The following MS4A7 variants were observed in gnomAD, a reference collection of about 807,000 sequenced individuals.
MS4A7 encodes the protein membrane-spanning 4-domains subfamily A member 7.
In MS4A7, 21 loss-of-function variants were observed where a neutral mutation model predicts 23.5. The ratio of observed to expected loss-of-function variants is 0.89; its 90% CI spans 0.63 to 1.29. MS4A7 has a LOEUF of 1.29. Among genes scored for constraint, MS4A7 ranks in the 50% most tolerant of loss-of-function variants. The pLI is 0.00. For missense variants in MS4A7, 263 were observed against 274.2 expected (o/e 0.96, Z 0.29); for synonymous variants, 111 against 107.4 (o/e 1.03, Z -0.21).
chr11:60,388,759 A>G (rs2085517273), intron 4 of MS4A7, among the ~76,000 whole-genome samples: 1 of 152,232 alleles, frequency 6.6e-6, no homozygotes, highest in African/African-American at 2.4e-5. Flanking sequence ...TGGAGAGAGA[A>G]GCACAGGGTC....
chr11:60,389,147 C>G, intron 4 of MS4A7: 1 of 488,200 alleles, frequency 2.0e-6, no homozygotes. Flanking sequence ...GGCCAGAACC[C>G]CTCTCCCTAA....
intron 1 of MS4A7, among the ~76,000 whole-genome samples, chr11:60,381,482 G>T (rs1438091779): frequency 6.6e-6 from 1 of 152,174 alleles, no homozygotes; most frequent in Non-Finnish European, 1.5e-5. Context: ...TGGAACACCT[G>T]ATAAAACTCA....
At chr11:60,383,441 C>A (rs1337122301) in intron 2 of MS4A7, 153 bp downstream of exon 2, 32 of 723,044 alleles carry the variant, frequency 4.4e-5, no homozygotes, top group Non-Finnish European at 6.2e-5. Flanking sequence ...AGGGAAGACT[C>A]TTAAAGCTCT....
In MS4A7 at chr11:60,392,790, A is replaced by G. The variant is rs2085567935; in HGVS notation, c.648+4A>G. Reference sequence around the variant, plus strand: ...GCTCTACTCCAACAACCCTGGGGTGAGTATGCTGACATGTCGCCTGATACC... The same window carrying G: ...GCTCTACTCCAACAACCCTGGGGTGGGTATGCTGACATGTCGCCTGATACC... On this transcript the variant is annotated splice_donor_region_variant and intron_variant, in intron 6 of 6. Coordinates refer to ENST00000300184, the MANE Select transcript of MS4A7 (RefSeq NM_021201.5). 6.2e-7 allele frequency: 1 copy of G among 1,603,372 alleles called. No individual in the cohort carries two copies. The highest frequency in any genetic ancestry group is 8.5e-7 in the Non-Finnish European group (1 of 1,170,386).
chr11:60,386,778 G>T lies in MS4A7; in HGVS notation c.339+5G>T, dbSNP rs945963218. ...AAACAATCAACTAAGCCCTTTGTAAGTATAAGGACCATCAAATCTCAGCTG... is the reference window on the plus strand; with the variant it reads ...AAACAATCAACTAAGCCCTTTGTAATTATAAGGACCATCAAATCTCAGCTG... On this transcript the variant is annotated splice_donor_5th_base_variant and intron_variant, in intron 4 of 6. Transcript: ENST00000300184. 1.2e-6 allele frequency: 2 copies of T among 1,605,246 alleles called. No homozygotes were observed. The highest frequency in any genetic ancestry group is 1.7e-6 in the Non-Finnish European group (2 of 1,173,884).
Position 60,389,412 on chromosome 11 carries a change from A to C in MS4A7, c.362A>C (p.Asn121Thr). 6.2e-7 allele frequency: 1 copy of C among 1,613,018 alleles called. No homozygotes were observed. The highest frequency in any genetic ancestry group is 2.2e-5 in the East Asian group (1 of 44,862). ...CAGGACCTGAGCAGCTTGACCTCAA[A>C]TGCAGTGAGTTCTGTTACTGCAGGA... ...KPFDLSSLTS[N>T]AVSSVTAGAG... is the part of the protein sequence containing the mutation. Residue 121 changes from asparagine (N) to threonine (T), a missense_variant, in exon 5 of 7, where the codon AAT becomes ACT. By Grantham distance (65) the Asn-to-Thr change is moderately conservative. Transcript: ENST00000300184.
chr11:60,385,245 G>C, intron 3 of MS4A7, 23 bp downstream of exon 3: 1 of 1,613,702 alleles, frequency 6.2e-7, no homozygotes, highest in Non-Finnish European at 8.5e-7. Flanking sequence ...GGGACTCTAA[G>C]AGGGGACATG....
intron 1 of MS4A7, among the ~76,000 whole-genome samples, chr11:60,379,520 G>T (rs11601518): frequency 4.1e-5 from 6 of 147,080 alleles, no homozygotes; most frequent in African/African-American, 1.2e-4. Flanking sequence ...GTGTTTTTTT[G>T]TTGTTTTTTG....
rs1250547523 is a variant in MS4A7, at chr11:60,392,254, T to C, written c.547-431T>C. Among the ~76,000 whole-genome samples the C allele has an allele frequency of 3.3e-5, 5 of 151,868 alleles. No individual in the cohort carries two copies. The East Asian group carries it at 9.7e-4, about 29-fold the overall frequency. On this transcript the variant is annotated intron_variant, in intron 5 of 6. Transcript: ENST00000300184. ...TAGTAGGAGTCCCAGTGAGAGATTATAAAAGAGAGAGTATATGCAAAAGTA... is the reference window on the plus strand; with the variant it reads ...TAGTAGGAGTCCCAGTGAGAGATTACAAAAGAGAGAGTATATGCAAAAGTA...
chr11:60,386,640 T>C (rs961637877), intron 3 of MS4A7, 77 bp from the exon 4 acceptor site: 8 of 1,206,340 alleles, frequency 6.6e-6, no homozygotes, highest in Non-Finnish European at 9.7e-6. Context: ...CACTTTTTGA[T>C]TGAGTGATTG....
intron 3 of MS4A7, 124 bp downstream of exon 3, chr11:60,385,346 T>A: frequency 3.9e-6 from 4 of 1,020,428 alleles, no homozygotes; most frequent in Non-Finnish European, 5.8e-6. Context: ...CGACTTTCCT[T>A]CTATCATTGC....
chr11:60,389,610 G>A lies in MS4A7; in HGVS notation c.546+14G>A. On this transcript the variant is annotated intron_variant, in intron 5 of 6. Transcript: ENST00000300184. ...GTCAGTTTAACAGTGAGTAGTTTCA[G>A]ACTGAATATCCTGTCATGTGAAATC... 6.2e-7 allele frequency: 1 copy of A among 1,603,708 alleles called. No homozygotes were observed. The highest frequency in any genetic ancestry group is 2.2e-5 in the East Asian group (1 of 44,850).
intron 6 of MS4A7, 76 bp from the exon 7 acceptor site, chr11:60,393,711 A>G: frequency 8.7e-7 from 1 of 1,146,312 alleles, no homozygotes; most frequent in Non-Finnish European, 1.3e-6. Context: ...AAACTTGGGG[A>G]AAAGGTATTA....
In MS4A7 at chr11:60,394,897, G is replaced by T; in HGVS notation, c.*1036G>T. On this transcript the variant is annotated 3_prime_UTR_variant, in exon 7 of 7. Transcript: ENST00000300184. ...TAAATGAATAAAATAAAATAAAAAA[G>T]AATATTCAGTCGTTGGCACATAAAC... 3.6e-6 allele frequency: 2 copies of T among 549,544 alleles called. No homozygotes were observed. The highest frequency in any genetic ancestry group is 2.9e-5 in the East Asian group (1 of 34,304). 34.0% of individuals were successfully genotyped at this position (549,544 alleles called of 1,614,324 possible).
intron 3 of MS4A7, among the ~76,000 whole-genome samples, chr11:60,385,697 GC>G (rs1233728949): frequency 6.6e-6 from 1 of 152,164 alleles, no homozygotes; most frequent in Non-Finnish European, 1.5e-5. Context: ...GCAGGGACAT[GC>G]TTGCTGTGTG....
chr11:60,380,194 G>T (rs913083388), intron 1 of MS4A7, among the ~76,000 whole-genome samples: 7 of 152,210 alleles, frequency 4.6e-5, no homozygotes, highest in African/African-American at 1.7e-4. Flanking sequence ...ATCGGTCAAA[G>T]ATGTCTACAG....
rs1328350797 is a variant in MS4A7 at position 60,387,186 on chromosome 11, C to A, written c.339+413C>A. On this transcript the variant is annotated intron_variant, in intron 4 of 6. Coordinates refer to ENST00000300184, the MANE Select transcript of MS4A7 (RefSeq NM_021201.5). ...GGGGTTCTTTTTGATGCCAAATGTC[C>A]CCATTCATAGAGTTGGGACTTCACA... Among the ~76,000 whole-genome samples, 52 of 152,048 alleles carry A rather than the reference C, an allele frequency of 3.4e-4. 1 individual carries two copies. The highest frequency in any genetic ancestry group is 2.9e-5 in the Non-Finnish European group (2 of 68,018).
chr11:60,388,960 C>G (rs1031800958), intron 4 of MS4A7: 2 of 158,218 alleles, frequency 1.3e-5, no homozygotes, highest in African/African-American at 4.8e-5. Context: ...TTCTCTGAAG[C>G]TGCTCTTTTA....
intron 4 of MS4A7, among the ~76,000 whole-genome samples, chr11:60,387,228 A>G (rs1257684600): frequency 1.3e-5 from 2 of 152,176 alleles, no homozygotes; most frequent in African/African-American, 4.8e-5. Context: ...CTAGCCCTTC[A>G]GCGTCAGGGT....
Sources: gnomAD v4.1 joint callset for allele counts (sites outside exome capture counted in the v4.1 genomes callset) on GRCh38, gnomAD v4.1.1 for gene constraint, MANE v1.5 for transcripts, NCBI Gene and HGNC (gene_info 2026-07-23, HGNC 2026-07-21) for gene names.